Variants in NCAM1 observed in about 807,000 individuals in gnomAD.
The protein encoded by NCAM1 is neural cell adhesion molecule 1.
In NCAM1, 14 loss-of-function variants were observed where a neutral mutation model predicts 109.8. The ratio of observed to expected loss-of-function variants is 0.13; its 90% CI spans 0.08 to 0.20. NCAM1 has a LOEUF of 0.20. Ranked by LOEUF, NCAM1 falls within the 10% of genes least tolerant of loss-of-function variation. The pLI, the probability that NCAM1 is intolerant of heterozygous loss-of-function variation, is 1.00. For missense variants in NCAM1, 774 were observed against 1,109.9 expected (o/e 0.70, Z 4.30); for synonymous variants, 418 against 442.9 (o/e 0.94, Z 0.70).
chr11:113,167,244 T>A (rs1942833910), intron 1 of NCAM1, among the ~76,000 whole-genome samples: 1 of 152,224 alleles, frequency 6.6e-6, no homozygotes, highest in Admixed American at 6.5e-5. Flanking sequence ...AAGACTCAAA[T>A]GTCCTTTGTA....
chr11:112,961,639 G>C lies in NCAM1; in HGVS notation c.27G>C (p.Trp9Cys), dbSNP rs559828324. The C allele has an allele frequency of 1.3e-5, 20 of 1,502,542 alleles. No individual in the cohort carries two copies. In the East Asian group the frequency reaches 4.5e-4, roughly 34 times the overall value. The allele number at this position is 1,502,542 out of a possible 1,614,324, so 93.1% of individuals were successfully genotyped here. Residue 9 changes from tryptophan (W) to cysteine (C), a missense_variant, in exon 1 of 20, where the codon TGG (tryptophan) becomes TGC (cysteine). Trp to Cys is a radical substitution (Grantham distance 215). This residue lies in a region of NCAM1 where 112 missense variants were observed against 142.0 expected (regional missense o/e 0.79). Transcript: ENST00000316851. MLQTKDLIWTLFFLGTAVS... is the reference protein window; with the variant it reads MLQTKDLICTLFFLGTAVS... Reference sequence around the variant, plus strand: ...TGCTGCAAACTAAGGATCTCATCTGGACTTTGTTTTTCCTGGGAACTGCAG... The same window carrying C: ...TGCTGCAAACTAAGGATCTCATCTGCACTTTGTTTTTCCTGGGAACTGCAG...
At chr11:113,128,417 C>A (rs1941262674) in intron 1 of NCAM1, among the ~76,000 whole-genome samples, 1 of 152,212 alleles carries the variant, frequency 6.6e-6, no homozygotes, top group Non-Finnish European at 1.5e-5. Flanking sequence ...TACACTTCTT[C>A]TCCAGGAGCT....
chr11:113,006,094 A>C (rs144204656), intron 1 of NCAM1, among the ~76,000 whole-genome samples: 1 of 152,276 alleles, frequency 6.6e-6, no homozygotes, highest in East Asian at 1.9e-4. Context: ...TGGTTTCAAA[A>C]AATTCTGGCA....
At chr11:113,105,906 T>A (rs1555092465) in intron 1 of NCAM1, among the ~76,000 whole-genome samples, 1 of 152,236 alleles carries the variant, frequency 6.6e-6, no homozygotes, top group Non-Finnish European at 1.5e-5. Context: ...AGATGTGTAT[T>A]CTATTTCAGT....
intron 1 of NCAM1, among the ~76,000 whole-genome samples, chr11:113,060,306 A>G (rs1334415793): frequency 6.6e-6 from 1 of 152,076 alleles, no homozygotes; most frequent in African/African-American, 2.4e-5. Context: ...TTTGGCAGTG[A>G]TTTTTTGCCC....
intron 1 of NCAM1, among the ~76,000 whole-genome samples, chr11:113,071,672 G>A (rs1299984380): frequency 3.3e-5 from 5 of 152,156 alleles, no homozygotes; most frequent in East Asian, 1.9e-4. Context: ...TGATCCGCCC[G>A]CCTCAGCCTC....
At position 113,271,353 on chromosome 11, in the gene NCAM1, T is replaced by C. The variant is rs193166046; in HGVS notation, c.2340-407T>C. The stretch of plus-strand genomic sequence containing the variant: ...CCACTGCACTCCAGCCTGGGCGACA[T>C]AGAGAGACTCTGTCTCAAAAAAAAA... On this transcript the variant is annotated intron_variant, in intron 18 of 19. Coordinates refer to ENST00000316851, the MANE Select transcript of NCAM1 (RefSeq NM_181351.5). 7.6e-3 allele frequency among the ~76,000 whole-genome samples: 760 copies of C among 100,150 alleles called. 9 individuals are homozygous for C. Among genetic ancestry groups the C allele is most frequent in the Admixed American group, 0.013 (75 of 5,982 alleles). The allele number at this position is 100,150 out of a possible 152,430, so 65.7% of individuals were successfully genotyped here. A position where few individuals can be genotyped will look rare whatever the true frequency, so the allele number is the denominator to read the frequency against.
intron 1 of NCAM1, among the ~76,000 whole-genome samples, chr11:112,997,736 T>C (rs1261147484): frequency 1.3e-5 from 2 of 152,222 alleles, no homozygotes; most frequent in Non-Finnish European, 2.9e-5. Context: ...CTTCCTGGAA[T>C]ATCTCTCATA....
chr11:113,107,595 A>C (rs1940231506), intron 1 of NCAM1, among the ~76,000 whole-genome samples: 1 of 152,192 alleles, frequency 6.6e-6, no homozygotes, highest in South Asian at 2.1e-4. Context: ...GCTGACAGGC[A>C]AGAGAGAGAA....
chr11:113,067,906 GTTT>G lies in NCAM1; in HGVS notation c.52+106262_52+106264del, dbSNP rs782134624. ...TCCAAGTATGGCATTCATATAACAAGTTTTTTTTTTTTTTTTTTTTTTGAGACG... is the reference window on the plus strand; with the variant it reads ...TCCAAGTATGGCATTCATATAACAAGTTTTTTTTTTTTTTTTTTTGAGACG... On this transcript the variant is annotated intron_variant, in intron 1 of 19. Transcript: ENST00000316851. Among the ~76,000 whole-genome samples, 9 of 125,442 alleles carry G rather than the reference GTTT, an allele frequency of 7.2e-5. No homozygotes were observed. The East Asian group carries it at 1.2e-3, about 17-fold the overall frequency. 82.3% of individuals were successfully genotyped at this position (125,442 alleles called of 152,430 possible).
At chr11:113,122,390 T>C (rs1941000773) in intron 1 of NCAM1, among the ~76,000 whole-genome samples, 1 of 152,222 alleles carries the variant, frequency 6.6e-6, no homozygotes, top group Admixed American at 6.5e-5. Context: ...AGTGTCATTG[T>C]CACTCAAGTG....
intron 1 of NCAM1, among the ~76,000 whole-genome samples, chr11:113,178,445 T>C (rs1315837627): frequency 6.6e-6 from 1 of 152,196 alleles, no homozygotes; most frequent in Non-Finnish European, 1.5e-5. Context: ...CATTAGCAGA[T>C]TGATGAAACG....
chr11:113,103,464 C>A (rs1565437987), intron 1 of NCAM1, among the ~76,000 whole-genome samples: 1 of 152,112 alleles, frequency 6.6e-6, no homozygotes, highest in Non-Finnish European at 1.5e-5. Flanking sequence ...TAAAAGGGGA[C>A]AAGTTGTTTG....
At chr11:113,241,742 C>T (rs1462257115) in intron 14 of NCAM1, among the ~76,000 whole-genome samples, 1 of 152,240 alleles carries the variant, frequency 6.6e-6, no homozygotes, top group Non-Finnish European at 1.5e-5. Flanking sequence ...AGTAAGACCA[C>T]AGCTCAGTAA....
chr11:113,074,323 T>G (rs1591303301), intron 1 of NCAM1, among the ~76,000 whole-genome samples: 1 of 152,154 alleles, frequency 6.6e-6, no homozygotes, highest in East Asian at 1.9e-4. Flanking sequence ...CCCCTGGATT[T>G]GTATAGCCTG....
chr11:113,226,272 G>T (rs1321069530), intron 9 of NCAM1, among the ~76,000 whole-genome samples: 1 of 152,168 alleles, frequency 6.6e-6, no homozygotes, highest in Non-Finnish European at 1.5e-5. Context: ...CAAGGCAGGG[G>T]TTGCAACCCT....
At chr11:113,203,271 C>T (rs1320291741) in intron 2 of NCAM1, among the ~76,000 whole-genome samples, 3 of 152,122 alleles carry the variant, frequency 2.0e-5, no homozygotes, top group African/African-American at 7.2e-5. Context: ...GGCTTGTGGC[C>T]GTCGGATGTG....
chr11:113,114,678 G>A (rs1555094475), intron 1 of NCAM1, among the ~76,000 whole-genome samples: 1 of 152,198 alleles, frequency 6.6e-6, no homozygotes, highest in East Asian at 1.9e-4. Flanking sequence ...TGCTCTGAGA[G>A]CACCTCACTC....
intron 1 of NCAM1, among the ~76,000 whole-genome samples, chr11:113,108,781 G>GTTT (rs200125250): frequency 2.2e-5 from 3 of 139,486 alleles, no homozygotes; most frequent in African/African-American, 2.6e-5. Context: ...GTTTTTTTTT[G>GTTT]TTTTTTTTTT....
Sources: allele counts gnomAD v4.1 joint callset (sites outside exome capture counted in the v4.1 genomes callset), GRCh38; gene constraint gnomAD v4.1.1; regional missense constraint gnomAD v4.1.1; transcripts MANE v1.5; gene names NCBI Gene and HGNC (gene_info 2026-07-23, HGNC 2026-07-21).